Variants in SULT6B1 observed in about 807,000 individuals in gnomAD.
The protein encoded by SULT6B1 is sulfotransferase 6B1.
Under a neutral mutation model 37.2 loss-of-function variants are expected in SULT6B1, and 44 were observed. The observed-to-expected ratio is 1.18, with a 90% CI of 0.93 to 1.52. SULT6B1 has a LOEUF of 1.52. Among genes scored for constraint, SULT6B1 ranks in the 40% most tolerant of loss-of-function variants. The pLI is 0.00. For missense variants in SULT6B1, 450 were observed against 361.0 expected (o/e 1.25, Z -2.00); for synonymous variants, 140 against 126.0 (o/e 1.11, Z -0.74).
chr2:37,173,449 T>A (rs919652480), intron 5 of SULT6B1, among the ~76,000 whole-genome samples: 2 of 152,220 alleles, frequency 1.3e-5, no homozygotes, highest in African/African-American at 4.8e-5. Flanking sequence ...CCAAATTTTA[T>A]CTACGGCCCA....
Position 37,187,417 on chromosome 2 carries a change from T to C in SULT6B1, c.250A>G (p.Lys84Glu), listed in dbSNP as rs767937499. The change falls in exon 2 of 7, where the codon AAA (lysine) becomes GAA (glutamate). Residue 84 changes from lysine (K) to glutamate (E), a missense_variant. Transcript: ENST00000535679. ...IVSELIYAVS[K>E]KKYKYPEFPV... is the part of the protein sequence containing the mutation. Reference sequence around the variant, plus strand: ...AATTCTGGATATTTATACTTTTTTTTAGAAACAGCATATATTAATTCACTG... The same window carrying C: ...AATTCTGGATATTTATACTTTTTTTCAGAAACAGCATATATTAATTCACTG... The C allele has an allele frequency of 7.5e-6, 12 of 1,608,912 alleles. No individual in the cohort carries two copies. The East Asian group carries it at 2.7e-4, about 36-fold the overall frequency.
intron 4 of SULT6B1, 117 bp downstream of exon 4, chr2:37,179,341 C>G: frequency 7.6e-7 from 1 of 1,318,472 alleles, no homozygotes; most frequent in Non-Finnish European, 1.0e-6. Flanking sequence ...TTAAATGAAA[C>G]TTTTTGGTTC....
chr2:37,172,404 G>A (rs1572455355), intron 5 of SULT6B1, among the ~76,000 whole-genome samples: 1 of 152,240 alleles, frequency 6.6e-6, no homozygotes, highest in East Asian at 1.9e-4. Context: ...GGCAACACTT[G>A]TATTCTATGG....
chr2:37,193,290 T>A (rs553222038), upstream of SULT6B1, among the ~76,000 whole-genome samples: 59 of 93,796 alleles, frequency 6.3e-4, no homozygotes, highest in South Asian at 0.02. Context: ...ACTCTGTCTC[T>A]ACTTAAAAAA....
At chr2:37,189,889 G>A (rs1056195519), upstream of SULT6B1, 2 of 152,218 alleles carry the variant, frequency 1.3e-5, no homozygotes, top group Non-Finnish European at 2.9e-5. Context: ...ATACCTGGAA[G>A]GCAGATACTG....
upstream of SULT6B1, among the ~76,000 whole-genome samples, chr2:37,191,460 C>T (rs1199077530): frequency 6.6e-6 from 1 of 152,166 alleles, no homozygotes; most frequent in African/African-American, 2.4e-5. Flanking sequence ...ACGGCTGGCC[C>T]AGCCTGGCTG....
chr2:37,177,979 T>A (rs72874034), intron 4 of SULT6B1, among the ~76,000 whole-genome samples: 56 of 152,306 alleles, frequency 3.7e-4, no homozygotes, highest in African/African-American at 1.3e-3. Context: ...AGGAATCAGT[T>A]ACTGGTCTCT....
intron 3 of SULT6B1, 47 bp downstream of exon 3, chr2:37,183,378 C>G: frequency 5.5e-6 from 8 of 1,455,664 alleles, no homozygotes; most frequent in Non-Finnish European, 7.7e-6. Flanking sequence ...AAACTAATAT[C>G]TATACATAGA....
intron 4 of SULT6B1, among the ~76,000 whole-genome samples, chr2:37,177,604 T>C (rs1400683978): frequency 1.3e-5 from 2 of 152,104 alleles, no homozygotes; most frequent in African/African-American, 4.8e-5. Flanking sequence ...TTATGAATTA[T>C]TCAGTTATGA....
chr2:37,168,782 G>A (rs1477655445), intron 6 of SULT6B1, among the ~76,000 whole-genome samples: 2 of 152,106 alleles, frequency 1.3e-5, no homozygotes, highest in African/African-American at 4.8e-5. Context: ...AGTTTGGGAT[G>A]TTTTTTCTTA....
chr2:37,181,621 TC>T (rs11299890), intron 3 of SULT6B1, among the ~76,000 whole-genome samples: 44,932 of 151,770 alleles, frequency 0.3, 7,670 homozygotes, highest in East Asian at 0.78. Flanking sequence ...GCTCAAGCGA[TC>T]CCTCCTGCTT....
At chr2:37,174,230 T>C (rs1676365700) in intron 5 of SULT6B1, among the ~76,000 whole-genome samples, 1 of 75,514 alleles carries the variant, frequency 1.3e-5, no homozygotes, top group Non-Finnish European at 2.3e-5. Flanking sequence ...TCCTATTCTT[T>C]TTTTTTTTTT....
At chr2:37,187,274 A>G in intron 2 of SULT6B1, 81 bp downstream of exon 2, 1 of 953,250 alleles carries the variant, frequency 1.0e-6, no homozygotes, top group Non-Finnish European at 1.7e-6. Flanking sequence ...CACTTTCTAA[A>G]CTGAAAACTA....
In SULT6B1 at chr2:37,179,450, A is replaced by G; in HGVS notation, c.529+8T>C. On this transcript the variant is annotated splice_region_variant and intron_variant, in intron 4 of 6. Coordinates refer to ENST00000535679, the MANE Select transcript of SULT6B1 (RefSeq NM_001367551.1). ...AAGTAAGAATAATTCTTTTACCAACAGCCATACCTTGTCCTTTCATGAACT... is the reference window on the plus strand; with the variant it reads ...AAGTAAGAATAATTCTTTTACCAACGGCCATACCTTGTCCTTTCATGAACT... 1 of 1,612,728 alleles carries G rather than the reference A, an allele frequency of 6.2e-7. No individual in the cohort carries two copies. Among genetic ancestry groups the G allele is most frequent in the Non-Finnish European group, 8.5e-7 (1 of 1,179,852 alleles).
At chr2:37,171,695 T>A in intron 5 of SULT6B1, 105 bp from the exon 6 acceptor site, 2 of 988,038 alleles carry the variant, frequency 2.0e-6, no homozygotes, top group South Asian at 3.5e-5. Flanking sequence ...ACTCCCTAGT[T>A]CATCTCATCC....
chr2:37,181,148 A>G lies in SULT6B1; in HGVS notation c.403-1564T>C, dbSNP rs114043962. Among the ~76,000 whole-genome samples, 510 of 152,262 alleles carry G rather than the reference A, an allele frequency of 3.3e-3. 3 individuals carry two copies. Among genetic ancestry groups the G allele is most frequent in the African/African-American group, 0.012 (483 of 41,552 alleles). ...ACAGGATAAAATTGAGTAGAGATCA[A>G]TGGGTCTGGGTCTTGTCTTGTACTT... On this transcript the variant is annotated intron_variant, in intron 3 of 6. Transcript: ENST00000535679.
At chr2:37,171,726 C>T (rs902044164) in intron 5 of SULT6B1, 136 bp from the exon 6 acceptor site, 4 of 679,496 alleles carry the variant, frequency 5.9e-6, no homozygotes, top group Admixed American at 3.0e-5. Flanking sequence ...ACTTAGAGTA[C>T]TTTCATCTTC....
intron 4 of SULT6B1, among the ~76,000 whole-genome samples, chr2:37,176,703 C>T (rs1676439444): frequency 6.6e-6 from 1 of 152,132 alleles, no homozygotes; most frequent in Non-Finnish European, 1.5e-5. Context: ...ACATCTAATA[C>T]ATCCTCTTTC....
At chr2:37,194,117 G>C (rs1373057173) in intron 1 of SULT6B1, among the ~76,000 whole-genome samples, 1 of 151,356 alleles carries the variant, frequency 6.6e-6, no homozygotes, top group Admixed American at 6.6e-5. Context: ...TATTTATATA[G>C]TTATATTTGA....
Sources: allele counts gnomAD v4.1 joint callset (sites outside exome capture counted in the v4.1 genomes callset), GRCh38; gene constraint gnomAD v4.1.1; transcripts MANE v1.5; gene names NCBI Gene and HGNC (gene_info 2026-07-23, HGNC 2026-07-21).